The following CYREN variants were observed in gnomAD, a reference collection of about 807,000 sequenced individuals.
The protein encoded by CYREN is cell cycle regulator of non-homologous end joining.
In CYREN, 7 loss-of-function variants were observed where a neutral mutation model predicts 9.7. The observed-to-expected ratio is 0.72, with a 90% confidence interval of 0.41 to 1.36. The LOEUF (loss-of-function observed/expected upper bound fraction) is 1.36, where lower values mean the gene tolerates loss of function less well. Among genes scored for constraint, CYREN ranks in the 40% most tolerant of loss-of-function variants. CYREN has a pLI of 0.01. For missense variants in CYREN, 215 were observed against 198.1 expected, an observed-to-expected ratio of 1.09 and a Z score of -0.51; for synonymous variants, 76 against 77.9, an observed-to-expected ratio of 0.98 and a Z score of 0.13.
downstream of CYREN, among the ~76,000 whole-genome samples, chr7:135,161,886 C>A (rs768816660): frequency 6.6e-6 from 1 of 152,190 alleles, no homozygotes; most frequent in Non-Finnish European, 1.5e-5. This position sits in a 1 kb window ranked among gnomAD's most constrained non-coding sequence, Gnocchi z 4.1. Context: ...AAGCCACGGG[C>A]AGAACTGGGC....
intron 2 of CYREN, among the ~76,000 whole-genome samples, chr7:135,158,771 C>A (rs891274103): frequency 2.0e-5 from 3 of 152,212 alleles, no homozygotes; most frequent in African/African-American, 7.2e-5. Flanking sequence ...GGGCAGCAGA[C>A]CCTCCCAGGG....
intron 2 of CYREN, among the ~76,000 whole-genome samples, chr7:135,145,099 G>T (rs1829523207): frequency 6.6e-6 from 1 of 151,952 alleles, no homozygotes; most frequent in Non-Finnish European, 1.5e-5. Context: ...AGGATGACAA[G>T]AGGAGACCAT....
chr7:135,106,748 CCCT>C (rs902090144), intron 2 of CYREN, among the ~76,000 whole-genome samples: 13 of 152,120 alleles, frequency 8.5e-5, no homozygotes, highest in African/African-American at 3.1e-4. Context: ...GGGGAGGAGT[CCCT>C]CCTCCTCAGC....
intron 2 of CYREN, among the ~76,000 whole-genome samples, chr7:135,100,372 A>G (rs1823646956): frequency 6.6e-6 from 1 of 152,188 alleles, no homozygotes; most frequent in Non-Finnish European, 1.5e-5. Flanking sequence ...CAAACTTTAT[A>G]GTTTTGTCTA....
intron 2 of CYREN, among the ~76,000 whole-genome samples, chr7:135,103,037 C>A (rs910746175): frequency 6.6e-6 from 1 of 152,100 alleles, no homozygotes; most frequent in Non-Finnish European, 1.5e-5. Context: ...TTGTTTTATA[C>A]CTATGTCATT....
At chr7:135,159,054 C>G (rs1027052026) in intron 2 of CYREN, among the ~76,000 whole-genome samples, 7 of 152,266 alleles carry the variant, frequency 4.6e-5, no homozygotes, top group Middle Eastern at 3.4e-3. Context: ...TTTTGGAGCC[C>G]TAGGGGGTTC....
chr7:135,164,906 C>T (rs369115443), downstream of CYREN: 7 of 1,614,102 alleles, frequency 4.3e-6, no homozygotes, highest in African/African-American at 8.0e-5. Flanking sequence ...TAGCTCTGGG[C>T]AGCGCCCAGG....
At chr7:135,141,279 C>A (rs1006468702) in intron 2 of CYREN, among the ~76,000 whole-genome samples, 11 of 152,092 alleles carry the variant, frequency 7.2e-5, no homozygotes, top group Admixed American at 7.2e-4. Context: ...CTGGTTCAAT[C>A]TTGGGAGGTG....
chr7:135,096,584 C>CATAGATAGATAG (rs71172496), intron 2 of CYREN, among the ~76,000 whole-genome samples: 15,050 of 87,560 alleles, frequency 0.17, 1,382 homozygotes, highest in East Asian at 0.29. Context: ...TAGATAGATA[C>CATAGATAGATAG]ATAGATAGAT....
chr7:135,159,186 A>G (rs1051841889), intron 2 of CYREN, among the ~76,000 whole-genome samples: 2 of 152,214 alleles, frequency 1.3e-5, no homozygotes, highest in African/African-American at 4.8e-5. Context: ...GGTTTATCCT[A>G]GCATTCTCTC....
chr7:135,138,080 G>A (rs1361980313), intron 2 of CYREN, among the ~76,000 whole-genome samples: 1 of 151,962 alleles, frequency 6.6e-6, no homozygotes, highest in Non-Finnish European at 1.5e-5. Flanking sequence ...TCTGTATCCA[G>A]TGAAATTGTC....
intron 2 of CYREN, among the ~76,000 whole-genome samples, chr7:135,128,021 C>T (rs148773621): frequency 2.2e-4 from 34 of 152,010 alleles, no homozygotes; most frequent in African/African-American, 8.0e-4. Context: ...CTGCCAGGCA[C>T]GGTGGCTCAC....
chr7:135,119,883 T>G (rs1465421039), intron 2 of CYREN, among the ~76,000 whole-genome samples: 2 of 149,914 alleles, frequency 1.3e-5, no homozygotes, highest in Non-Finnish European at 3.0e-5. Context: ...TCTCAAAAAA[T>G]AAAAAAAGAA....
chr7:135,167,992 A>C lies in CYREN; in HGVS notation c.138-185T>G. 3 of 1,036,998 alleles carry C rather than the reference A, an allele frequency of 2.9e-6. No individual in the cohort carries two copies. The South Asian group carries it at 4.9e-5, about 17-fold the overall frequency. The allele number at this position is 1,036,998 out of a possible 1,614,324, so 64.2% of individuals were successfully genotyped here. ...TCAGCCTTGCAGCCCAGTGACTGGC[A>C]CAGGGCTTCATGGAGGCAACACCGG... On this transcript the variant is annotated intron_variant, in intron 2 of 3. Transcript: ENST00000393114.
At position 135,166,817 on chromosome 7, in the gene CYREN, G is replaced by C; in HGVS notation, c.268C>G (p.Pro90Ala). The change falls in exon 4 of 4, where the codon CCA (proline) becomes GCA (alanine). Residue 90 changes from proline (P) to alanine (A), a missense_variant. Transcript: ENST00000393114. Reference protein sequence around the residue: ...EQPALAGADNPEHSPPCSVSP... With the variant: ...EQPALAGADNAEHSPPCSVSP... ...ACGGAGCAGGGAGGGGAGTGCTCTGGGTTATCAGCCCCCGCCAGGGCCGGC... is the reference window on the plus strand; with the variant it reads ...ACGGAGCAGGGAGGGGAGTGCTCTGCGTTATCAGCCCCCGCCAGGGCCGGC... 1 of 1,614,184 alleles carries C rather than the reference G, an allele frequency of 6.2e-7. No individual in the cohort carries two copies. Among genetic ancestry groups the C allele is most frequent in the Non-Finnish European group, 8.5e-7 (1 of 1,180,024 alleles).
chr7:135,100,007 C>G (rs1402015794), intron 2 of CYREN: 1 of 150,364 alleles, frequency 6.7e-6, no homozygotes, highest in Non-Finnish European at 1.5e-5. Flanking sequence ...CCTGCCTCAG[C>G]CTCCCGAGTA....
rs376229104 is a variant in CYREN, at chr7:135,166,735, G to A, written c.350C>T (p.Ala117Val). Residue 117 changes from alanine (A) to valine (V), a missense_variant, in exon 4 of 4, where the codon GCA (alanine) becomes GTA (valine). Physicochemically the swap from Ala to Val is moderately conservative, Grantham distance 64. Transcript: ENST00000393114. ...SSEEEDSGKQALAPGLSPSQR... is the reference protein window; with the variant it reads ...SSEEEDSGKQVLAPGLSPSQR... ...GGAAGGGCTGAGGCCTGGAGCCAGT[G>A]CCTGTTTCCCACTGTCCTCTTCCTC... The A allele has an allele frequency of 2.5e-6, 4 of 1,613,860 alleles. No individual in the cohort carries two copies. Among genetic ancestry groups the A allele is most frequent in the African/African-American group, 2.7e-5 (2 of 74,928 alleles).
chr7:135,166,828 C>T lies in CYREN; in HGVS notation c.257G>A (p.Gly86Glu), dbSNP rs541303482. The change falls in exon 4 of 4, where the codon GGG (glycine) becomes GAG (glutamate). Residue 86 changes from glycine (G) to glutamate (E), a missense_variant. Gly to Glu is a moderately conservative substitution (Grantham distance 98). Coordinates refer to ENST00000393114, the MANE Select transcript of CYREN (RefSeq NM_024033.4). ...AGGGGAGTGCTCTGGGTTATCAGCC[C>T]CCGCCAGGGCCGGCTGCTCGCAGGC... ...EKACEQPALA[G>E]ADNPEHSPPC... The T allele has an allele frequency of 3.1e-6, 5 of 1,614,152 alleles. No homozygotes were observed. The highest frequency in any genetic ancestry group is 1.7e-4 in the Middle Eastern group (1 of 6,060).
Position 135,168,301 on chromosome 7 carries a change from CG to C in CYREN, c.137+484del, listed in dbSNP as rs202030229. 7.2e-3 allele frequency: 254 copies of C among 35,230 alleles called. 57 individuals are homozygous for C. The East Asian group carries it at 0.13, about 18-fold the overall frequency. The allele number at this position is 35,230 out of a possible 1,614,324, so 2.2% of individuals were successfully genotyped here. A position where few individuals can be genotyped will look rare whatever the true frequency, so the allele number is the denominator to read the frequency against. The stretch of plus-strand genomic sequence containing the variant: ...GCCTGGAGACTCACCACCCCCCCCC[CG>C]CCCCCCCCCGGCAATTACCGTCATT... On this transcript the variant is annotated intron_variant, in intron 2 of 3. Transcript: ENST00000393114.
Sources: gnomAD v4.1 joint callset for allele counts (sites outside exome capture counted in the v4.1 genomes callset) on GRCh38, gnomAD v4.1.1 for gene constraint, Gnocchi (gnomAD v3.1) non-coding constraint, MANE v1.5 for transcripts, NCBI Gene and HGNC (gene_info 2026-07-23, HGNC 2026-07-21) for gene names.